CNTNAP2: variants seen among roughly 807,000 people sequenced by gnomAD.
CNTNAP2 encodes contactin associated protein 2.
Under a neutral mutation model 155.2 loss-of-function variants are expected in CNTNAP2, and 98 were observed. That is an observed-to-expected ratio of 0.63 (90% CI 0.54 to 0.75). The LOEUF is 0.75. Among genes scored for constraint, CNTNAP2 ranks in the 30% least tolerant of loss-of-function variants. The pLI, the probability that CNTNAP2 is intolerant of heterozygous loss-of-function variation, is 0.00. For synonymous variants in CNTNAP2, 651 were observed against 631.2 expected (o/e 1.03, Z -0.47); for missense variants, 1,727 against 1,688.1 (o/e 1.02, Z -0.40).
intron 6 of CNTNAP2, 93 bp from the exon 7 acceptor site, chr7:147,128,600 G>A: frequency 1.4e-6 from 2 of 1,401,800 alleles, no homozygotes; most frequent in Non-Finnish European, 2.0e-6. Flanking sequence ...TTTTGGTTGA[G>A]GTATAGATAC....
rs1367526173 is a variant in CNTNAP2, at chr7:146,404,141, A to AAAAAAAAAAC, written c.97+287169_97+287170insAAAAAAAACA. On this transcript the variant is annotated intron_variant, in intron 1 of 23. Transcript: ENST00000361727. ...CTCCGTCTCAAAAAAAAAAAAAAAA[A>AAAAAAAAAAC]ACAAAGAACTTGGCCTCTTGGTTTT... Among the ~76,000 whole-genome samples, 180 of 147,440 alleles carry AAAAAAAAAAC rather than the reference A, an allele frequency of 1.2e-3. 3 individuals carry two copies. The highest frequency in any genetic ancestry group is 4.6e-3 in the African/African-American group (175 of 37,772).
chr7:148,241,239 G>A (rs1164177384), intron 20 of CNTNAP2, among the ~76,000 whole-genome samples: 1 of 152,168 alleles, frequency 6.6e-6, no homozygotes, highest in African/African-American at 2.4e-5. Context: ...ATCTAGCATA[G>A]TCTATGACCC....
intron 15 of CNTNAP2, among the ~76,000 whole-genome samples, chr7:148,022,635 G>A (rs974863924): frequency 1.3e-5 from 2 of 151,990 alleles, no homozygotes; most frequent in African/African-American, 4.8e-5. Flanking sequence ...GGCGTGGCCT[G>A]TTTTTTTGTT....
intron 1 of CNTNAP2, among the ~76,000 whole-genome samples, chr7:146,470,958 G>A (rs1291564584): frequency 2.0e-5 from 3 of 152,034 alleles, no homozygotes; most frequent in Admixed American, 1.3e-4. Flanking sequence ...CAAGAATTCT[G>A]TAAAAAGTCT....
At chr7:147,768,046 C>T (rs957516541) in intron 13 of CNTNAP2, among the ~76,000 whole-genome samples, 3 of 152,098 alleles carry the variant, frequency 2.0e-5, no homozygotes, top group African/African-American at 7.2e-5. Flanking sequence ...GGAAACAATG[C>T]TTTCACTCTT....
rs370038205 is a variant in CNTNAP2, at chr7:148,205,502, A to G, written c.3011-11786A>G. Among the ~76,000 whole-genome samples the G allele has an allele frequency of 9.2e-5, 14 of 152,370 alleles. No individual in the cohort carries two copies. In the East Asian group the frequency reaches 1.9e-3, roughly 21 times the overall value. ...CTATGTTGCAGTTTACTAAACCAGT[A>G]TAAAGGAGAAAAAAAGCAGTAGAAA... On this transcript the variant is annotated intron_variant, in intron 18 of 23. Transcript: ENST00000361727.
At position 147,435,687 on chromosome 7, in the gene CNTNAP2, G is replaced by C. The variant is rs141703058; in HGVS notation, c.1670+39907G>C. Among the ~76,000 whole-genome samples, 477 of 152,236 alleles carry C rather than the reference G, an allele frequency of 3.1e-3. 3 individuals are homozygous for C. The highest frequency in any genetic ancestry group is 0.011 in the African/African-American group (448 of 41,528). On this transcript the variant is annotated intron_variant, in intron 10 of 23. Transcript: ENST00000361727. ...TGTTGTGAAACAGTTAAACACGTTG[G>C]GTGTGGTGCCGAGCTCCTTCCTAGG...
intron 1 of CNTNAP2, among the ~76,000 whole-genome samples, chr7:146,381,433 C>T (rs1795388091): frequency 6.6e-6 from 1 of 152,136 alleles, no homozygotes; most frequent in East Asian, 1.9e-4. Flanking sequence ...ATTCTGTCTC[C>T]TCTTTCCAGA....
chr7:147,757,470 G>A (rs7785603), intron 13 of CNTNAP2, among the ~76,000 whole-genome samples: 26,132 of 151,932 alleles, frequency 0.17, 4,033 homozygotes, highest in African/African-American at 0.41. Flanking sequence ...CAGATCTACA[G>A]GTGCTTCATG....
In CNTNAP2 at chr7:147,752,608, G is replaced by A. The variant is rs140585924; in HGVS notation, c.2098+113302G>A. ...AGAGGTGGAAAAATGAGCTCTCAAT[G>A]TCCACCTGGGTTTTGAAAAGGTAGA... On this transcript the variant is annotated intron_variant, in intron 13 of 23. Transcript: ENST00000361727. Among the ~76,000 whole-genome samples the A allele has an allele frequency of 6.0e-3, 920 of 152,300 alleles. 10 individuals are homozygous for A. Among genetic ancestry groups the A allele is most frequent in the African/African-American group, 0.021 (883 of 41,558 alleles).
At chr7:146,740,660 C>T (rs1014397131) in intron 1 of CNTNAP2, among the ~76,000 whole-genome samples, 10 of 152,306 alleles carry the variant, frequency 6.6e-5, no homozygotes, top group Middle Eastern at 3.4e-3. Flanking sequence ...CAGTGTAGCA[C>T]TGCCAGAATC....
chr7:148,142,915 A>G (rs1366396246), intron 16 of CNTNAP2, among the ~76,000 whole-genome samples: 1 of 152,208 alleles, frequency 6.6e-6, no homozygotes, highest in East Asian at 1.9e-4. Flanking sequence ...CCCAATCATT[A>G]CTTTAAGCCT....
intron 11 of CNTNAP2, among the ~76,000 whole-genome samples, chr7:147,522,871 A>G (rs1338116733): frequency 6.6e-6 from 1 of 152,172 alleles, no homozygotes; most frequent in Non-Finnish European, 1.5e-5. Flanking sequence ...ATGCCTGGGA[A>G]TACAATATAT....
intron 10 of CNTNAP2, among the ~76,000 whole-genome samples, chr7:147,453,905 T>G (rs887792053): frequency 1.3e-5 from 2 of 152,170 alleles, no homozygotes; most frequent in Non-Finnish European, 2.9e-5. Flanking sequence ...TTCCCACGTA[T>G]CTATATGAGA....
chr7:148,226,193 T>A (rs540705459), intron 19 of CNTNAP2, among the ~76,000 whole-genome samples: 1 of 152,268 alleles, frequency 6.6e-6, no homozygotes, highest in Admixed American at 6.5e-5. Context: ...CTGTAGCTTA[T>A]TAATAAAAAT....
At chr7:147,115,279 T>A (rs1800962943) in intron 5 of CNTNAP2, among the ~76,000 whole-genome samples, 1 of 152,166 alleles carries the variant, frequency 6.6e-6, no homozygotes, top group South Asian at 2.1e-4. Flanking sequence ...CCTCAGAGAA[T>A]CTGATGATTA....
chr7:146,611,855 T>C lies in CNTNAP2; in HGVS notation c.98-162416T>C, dbSNP rs1024876448. On this transcript the variant is annotated intron_variant, in intron 1 of 23. Transcript: ENST00000361727. ...GCTTAGCCTGGAAATCCAGTGGAAA[T>C]ATGGATTGTCCACAGGCCAAACAGA... Among the ~76,000 whole-genome samples, 6 of 152,168 alleles carry C rather than the reference T, an allele frequency of 3.9e-5. No individual in the cohort carries two copies. The East Asian group carries it at 7.7e-4, about 20-fold the overall frequency.
intron 1 of CNTNAP2, among the ~76,000 whole-genome samples, chr7:146,684,564 A>G (rs1228301447): frequency 7.0e-6 from 1 of 142,198 alleles, no homozygotes; most frequent in Non-Finnish European, 1.5e-5. Flanking sequence ...GAGTTTTAAT[A>G]TTTATATGAT....
chr7:146,775,111 T>A (rs1382216648), intron 2 of CNTNAP2, among the ~76,000 whole-genome samples: 5 of 152,208 alleles, frequency 3.3e-5, no homozygotes, highest in African/African-American at 1.2e-4. Context: ...GAGACCATGA[T>A]GTTTAATTCA....
Sources: allele counts gnomAD v4.1 joint callset (sites outside exome capture counted in the v4.1 genomes callset), GRCh38; gene constraint gnomAD v4.1.1; transcripts MANE v1.5; gene names NCBI Gene and HGNC (gene_info 2026-07-23, HGNC 2026-07-21).